PTPRD: variants seen among roughly 807,000 people sequenced by gnomAD.
PTPRD encodes protein tyrosine phosphatase receptor type D.
A neutral mutation model predicts 214.5 loss-of-function variants in PTPRD; 34 were observed. That is an observed-to-expected ratio of 0.16 (90% confidence interval 0.12 to 0.21). The LOEUF is 0.21. PTPRD is among the 10% of genes least tolerant of loss of function. The pLI, the probability that PTPRD is intolerant of heterozygous loss-of-function variation, is 1.00. For missense variants in PTPRD, 2,545 were observed against 2,398.7 expected (o/e 1.06, Z -1.27); for synonymous variants, 1,128 against 845.7 (o/e 1.33, Z -5.79).
At chr9:8,416,812 A>G (rs1034735707) in intron 35 of PTPRD, among the ~76,000 whole-genome samples, 1 of 152,118 alleles carries the variant, frequency 6.6e-6, no homozygotes, top group Non-Finnish European at 1.5e-5. Flanking sequence ...TAATTCTTAA[A>G]ACAAATTTAG....
rs374704923 is a variant in PTPRD at position 8,993,354 on chromosome 9, A to G, written c.-104+25343T>C. On this transcript the variant is annotated intron_variant, in intron 11 of 45. Coordinates refer to ENST00000381196, the MANE Select transcript of PTPRD (RefSeq NM_002839.4). The stretch of plus-strand genomic sequence containing the variant: ...ATTTAAAGGATTAAAATATGTGAAA[A>G]TTTTGGCTTATAAGGATGTATACAG... 1.6e-4 allele frequency among the ~76,000 whole-genome samples: 24 copies of G among 152,226 alleles called. No individual in the cohort carries two copies. In the South Asian group the frequency reaches 5.0e-3, roughly 32 times the overall value.
intron 3 of PTPRD, among the ~76,000 whole-genome samples, chr9:10,225,215 A>T (rs1564634047): frequency 1.3e-5 from 2 of 151,926 alleles, no homozygotes; most frequent in Admixed American, 1.3e-4. Context: ...GTTTATAGTA[A>T]AAAGATATTT....
intron 5 of PTPRD, among the ~76,000 whole-genome samples, chr9:9,787,278 G>C (rs1597801023): frequency 6.6e-6 from 1 of 151,524 alleles, no homozygotes; most frequent in South Asian, 2.1e-4. Context: ...TAAAATAGTT[G>C]GGTGGTAGAG....
chr9:9,778,469 C>A (rs2098816771), intron 5 of PTPRD, among the ~76,000 whole-genome samples: 1 of 152,128 alleles, frequency 6.6e-6, no homozygotes, highest in African/African-American at 2.4e-5. Context: ...AGACGCCCAT[C>A]CCCGGGAACT....
intron 2 of PTPRD, among the ~76,000 whole-genome samples, chr9:10,601,841 T>C (rs1156903054): frequency 2.0e-5 from 3 of 151,728 alleles, no homozygotes; most frequent in Admixed American, 1.3e-4. Context: ...ACTGCTCAGG[T>C]TGGCATATTT....
At chr9:9,778,512 C>A (rs551444851) in intron 5 of PTPRD, among the ~76,000 whole-genome samples, 1 of 152,300 alleles carries the variant, frequency 6.6e-6, no homozygotes, top group East Asian at 1.9e-4. Flanking sequence ...TCTCAGCTGA[C>A]CTCCGAGTCA....
At chr9:9,760,637 CACACACACACACACACAT>C (rs1474835914) in intron 6 of PTPRD, among the ~76,000 whole-genome samples, 52 of 138,120 alleles carry the variant, frequency 3.8e-4, no homozygotes, top group South Asian at 1.2e-3. Flanking sequence ...CACACACACA[CACACACACACACACACAT>C]ATATATATAT....
At chr9:10,073,033 T>C (rs573224077) in intron 3 of PTPRD, among the ~76,000 whole-genome samples, 3 of 152,038 alleles carry the variant, frequency 2.0e-5, no homozygotes, top group African/African-American at 7.2e-5. Context: ...AAATATCGAT[T>C]AATACATTTT....
chr9:10,272,613 T>A (rs1328303905), intron 3 of PTPRD, among the ~76,000 whole-genome samples: 1 of 152,192 alleles, frequency 6.6e-6, no homozygotes, highest in Non-Finnish European at 1.5e-5. Context: ...CTATGTTTCA[T>A]GCCTGTGAAA....
chr9:9,572,335 T>C (rs570582727), intron 8 of PTPRD, among the ~76,000 whole-genome samples: 1 of 151,478 alleles, frequency 6.6e-6, no homozygotes, highest in Admixed American at 6.6e-5. Flanking sequence ...TTTGAGAAAG[T>C]ATTTAAGAAT....
intron 11 of PTPRD, among the ~76,000 whole-genome samples, chr9:8,933,982 G>T (rs1289560228): frequency 3.3e-5 from 5 of 151,874 alleles, no homozygotes; most frequent in African/African-American, 1.2e-4. Flanking sequence ...TTTTGGGGCT[G>T]GGAAAGGAAA....
intron 4 of PTPRD, among the ~76,000 whole-genome samples, chr9:10,002,364 A>G (rs983121372): frequency 6.8e-5 from 10 of 147,836 alleles, no homozygotes; most frequent in African/African-American, 9.8e-5. Flanking sequence ...AAAGAATTCC[A>G]ATTTAAATGC....
intron 14 of PTPRD, among the ~76,000 whole-genome samples, chr9:8,582,800 C>T (rs1369403152): frequency 6.6e-6 from 1 of 152,134 alleles, no homozygotes; most frequent in African/African-American, 2.4e-5. Flanking sequence ...TAAACTGGGA[C>T]AATCACTGGA....
At chr9:9,472,536 C>G (rs1223040436) in intron 8 of PTPRD, among the ~76,000 whole-genome samples, 1 of 152,160 alleles carries the variant, frequency 6.6e-6, no homozygotes, top group African/African-American at 2.4e-5. Flanking sequence ...TGCAATCTCA[C>G]ATACTTGAGG....
In PTPRD at chr9:8,512,817, A is replaced by G. The variant is rs983093499; in HGVS notation, c.1543+5031T>C. ...GAAAAAAGACACATATTAGGATTTA[A>G]GATTTATAATGCCTCTAATTAGCAT... is the stretch of plus-strand genomic sequence containing the variant. On this transcript the variant is annotated intron_variant, in intron 21 of 45. Coordinates refer to ENST00000381196, the MANE Select transcript of PTPRD (RefSeq NM_002839.4). Among the ~76,000 whole-genome samples, 4 of 152,154 alleles carry G rather than the reference A, an allele frequency of 2.6e-5. No individual in the cohort carries two copies. The South Asian group carries it at 8.3e-4, about 31-fold the overall frequency.
intron 11 of PTPRD, among the ~76,000 whole-genome samples, chr9:8,736,678 T>C (rs560922746): frequency 6.6e-6 from 1 of 152,094 alleles, no homozygotes; most frequent in South Asian, 2.1e-4. Flanking sequence ...GAGGAATCAC[T>C]CTACCATTCT....
At chr9:9,878,839 G>GTACCAC in intron 5 of PTPRD, among the ~76,000 whole-genome samples, 1 of 152,156 alleles carries the variant, frequency 6.6e-6, no homozygotes, top group South Asian at 2.1e-4. Flanking sequence ...TAAAAAAGAT[G>GTACCAC]AAGAGGAAGA....
intron 3 of PTPRD, among the ~76,000 whole-genome samples, chr9:10,075,775 T>C (rs1036983838): frequency 2.0e-5 from 3 of 151,910 alleles, no homozygotes; most frequent in African/African-American, 7.3e-5. Context: ...AGCTTTAGAG[T>C]CTACCTTAAA....
At chr9:8,894,802 C>T (rs953537863) in intron 11 of PTPRD, among the ~76,000 whole-genome samples, 1 of 151,832 alleles carries the variant, frequency 6.6e-6, no homozygotes, top group African/African-American at 2.4e-5. Context: ...ATGATATGTC[C>T]TTGTTGTTAA....
Sources: allele counts gnomAD v4.1 joint callset (sites outside exome capture counted in the v4.1 genomes callset), GRCh38; gene constraint gnomAD v4.1.1; transcripts MANE v1.5; gene names NCBI Gene and HGNC (gene_info 2026-07-23, HGNC 2026-07-21).